KCNT2: variants seen among roughly 807,000 people sequenced by gnomAD.
KCNT2 encodes the protein potassium sodium-activated channel subfamily T member 2.
KCNT2 carries 67 observed loss-of-function variants against 153.8 expected under a neutral mutation model. The observed-to-expected ratio is 0.44, with a 90% CI of 0.36 to 0.53. The LOEUF (loss-of-function observed/expected upper bound fraction) is 0.53, where lower values mean the gene tolerates loss of function less well. Among genes scored for constraint, KCNT2 ranks in the 20% least tolerant of loss-of-function variants. The pLI is 0.00. For missense variants in KCNT2, 975 were observed against 1,354.8 expected, an observed-to-expected ratio of 0.72 and a Z score of 4.40; for synonymous variants, 500 against 458.8, an observed-to-expected ratio of 1.09 and a Z score of -1.15.
chr1:196,414,527 A>T (rs1672596809), intron 12 of KCNT2, among the ~76,000 whole-genome samples: 1 of 151,778 alleles, frequency 6.6e-6, no homozygotes, highest in African/African-American at 2.4e-5. Context: ...TTGACCTGAT[A>T]TTTTGTATTA....
chr1:196,443,843 G>A (rs112989588), intron 8 of KCNT2, among the ~76,000 whole-genome samples: 8,714 of 151,488 alleles, frequency 0.058, 391 homozygotes, highest in Non-Finnish European at 0.085. Flanking sequence ...AGTTGGTACC[G>A]GTTCCTGATT....
In KCNT2 at chr1:196,258,493, G is replaced by A; in HGVS notation, c.2912C>T (p.Ser971Phe). Residue 971 changes from serine (S) to phenylalanine (F), a missense_variant and splice_region_variant, in exon 26 of 28, where the codon TCT becomes TTT. Physicochemically the swap from Ser to Phe is radical, Grantham distance 155. Coordinates refer to ENST00000294725, the MANE Select transcript of KCNT2 (RefSeq NM_198503.5). The part of the protein sequence containing the change: ...TESQKLTTSE[S>F]QISISVEEWE... ...CTCTTCTACACTGATAGATATTTGAGACTTTAAAGGAAATAGATATTGATA... is the reference window on the plus strand; with the variant it reads ...CTCTTCTACACTGATAGATATTTGAAACTTTAAAGGAAATAGATATTGATA... 2 of 1,511,524 alleles carry A rather than the reference G, an allele frequency of 1.3e-6. No individual in the cohort carries two copies. Among genetic ancestry groups the A allele is most frequent in the Non-Finnish European group, 1.8e-6 (2 of 1,099,804 alleles). The allele number at this position is 1,511,524 out of a possible 1,614,324, so 93.6% of individuals were successfully genotyped here. A position where few individuals can be genotyped will look rare whatever the true frequency, so the allele number is the denominator to read the frequency against.
intron 22 of KCNT2, among the ~76,000 whole-genome samples, chr1:196,286,497 C>T (rs1432009956): frequency 1.3e-5 from 2 of 152,020 alleles, no homozygotes; most frequent in Non-Finnish European, 2.9e-5. Context: ...GTAGCCCTAA[C>T]AGACTAAAAC....
chr1:196,587,622 G>T (rs1228431513), intron 1 of KCNT2, among the ~76,000 whole-genome samples: 2 of 151,748 alleles, frequency 1.3e-5, no homozygotes, highest in African/African-American at 4.8e-5. Context: ...AGCTTTGTAG[G>T]CTTTGATTAC....
intron 22 of KCNT2, among the ~76,000 whole-genome samples, chr1:196,299,137 G>A (rs184014310): frequency 5.9e-5 from 9 of 152,046 alleles, no homozygotes; most frequent in Admixed American, 5.9e-4. Context: ...TAAGCCTTTG[G>A]AGGAAAATGA....
intron 1 of KCNT2, among the ~76,000 whole-genome samples, chr1:196,577,551 A>C (rs1198187873): frequency 6.6e-6 from 1 of 152,192 alleles, no homozygotes; most frequent in South Asian, 2.1e-4. Flanking sequence ...CACTCAGCTG[A>C]CCCTTGATTA....
chr1:196,410,153 T>TTG lies in KCNT2; in HGVS notation c.1186-11483_1186-11482insCA, dbSNP rs1558255958. ...CATTTTTTAATCAGCTTATTTCCTTTCGTGTGTGTGTGTGTTTGGTTTTGT... is the reference window on the plus strand; with the variant it reads ...CATTTTTTAATCAGCTTATTTCCTTTTGCGTGTGTGTGTGTGTTTGGTTTTGT... On this transcript the variant is annotated intron_variant, in intron 12 of 27. Transcript: ENST00000294725. Among the ~76,000 whole-genome samples the TTG allele has an allele frequency of 3.5e-4, 53 of 151,270 alleles. 1 individual carries two copies. Among genetic ancestry groups the TTG allele is most frequent in the African/African-American group, 3.6e-4 (15 of 41,360 alleles).
At chr1:196,254,655 C>T (rs2102311424) in intron 26 of KCNT2, among the ~76,000 whole-genome samples, 1 of 151,548 alleles carries the variant, frequency 6.6e-6, no homozygotes, top group Admixed American at 6.6e-5. Flanking sequence ...ATTACTACTA[C>T]CACCATCACC....
At chr1:196,402,212 A>G (rs1352674280) in intron 12 of KCNT2, among the ~76,000 whole-genome samples, 1 of 151,642 alleles carries the variant, frequency 6.6e-6, no homozygotes, top group Non-Finnish European at 1.5e-5. Flanking sequence ...GAAAAATGAT[A>G]CCAGGGAGAA....
chr1:196,518,226 T>C (rs1011303407), intron 1 of KCNT2, among the ~76,000 whole-genome samples: 2 of 152,124 alleles, frequency 1.3e-5, no homozygotes, highest in Non-Finnish European at 2.9e-5. Context: ...AGGGAGTTTG[T>C]TACCATCAAG....
intron 13 of KCNT2, among the ~76,000 whole-genome samples, chr1:196,392,756 A>G (rs1022900150): frequency 3.3e-5 from 5 of 151,494 alleles, no homozygotes; most frequent in Admixed American, 1.3e-4. Flanking sequence ...TCTCCAAGAT[A>G]TGTACATGTA....
intron 13 of KCNT2, among the ~76,000 whole-genome samples, chr1:196,396,058 T>G (rs991902351): frequency 6.6e-6 from 1 of 151,674 alleles, no homozygotes; most frequent in African/African-American, 2.4e-5. Context: ...AACCACCATT[T>G]TATTTCTCAA....
intron 16 of KCNT2, among the ~76,000 whole-genome samples, chr1:196,337,970 C>T (rs914625311): frequency 1.3e-5 from 2 of 151,970 alleles, no homozygotes; most frequent in African/African-American, 2.4e-5. Flanking sequence ...AACACTTACA[C>T]GAGAGTTCTT....
intron 1 of KCNT2, among the ~76,000 whole-genome samples, chr1:196,555,780 G>GTTT (rs1658566740): frequency 6.6e-6 from 1 of 151,162 alleles, no homozygotes; most frequent in Admixed American, 6.6e-5. Context: ...AAACAGCATG[G>GTTT]TAGGTACTGG....
chr1:196,310,389 C>T (rs947439819), intron 21 of KCNT2, among the ~76,000 whole-genome samples: 1 of 151,736 alleles, frequency 6.6e-6, no homozygotes, highest in Non-Finnish European at 1.5e-5. Flanking sequence ...TAAAATACTT[C>T]AGGGAGTCTG....
chr1:196,579,983 A>T (rs1291148442), intron 1 of KCNT2, among the ~76,000 whole-genome samples: 1 of 152,176 alleles, frequency 6.6e-6, no homozygotes, highest in South Asian at 2.1e-4. Flanking sequence ...TTCTGACAGA[A>T]AATAATTTTC....
intron 1 of KCNT2, among the ~76,000 whole-genome samples, chr1:196,604,275 A>G (rs1411267458): frequency 6.6e-6 from 1 of 152,148 alleles, no homozygotes; most frequent in Non-Finnish European, 1.5e-5. Context: ...ACCTCTTATC[A>G]TATCTGTGAC....
intron 13 of KCNT2, among the ~76,000 whole-genome samples, chr1:196,397,875 A>T (rs959658422): frequency 4.0e-5 from 6 of 151,594 alleles, no homozygotes; most frequent in African/African-American, 1.4e-4. Flanking sequence ...AATGTAAAAC[A>T]TGGGATATTT....
rs111532905 is a variant in KCNT2 at position 196,492,984 on chromosome 1, A to T, written c.96-643T>A. Among the ~76,000 whole-genome samples, 689 of 152,310 alleles carry T rather than the reference A, an allele frequency of 4.5e-3. 3 individuals are homozygous for T. Among genetic ancestry groups the T allele is most frequent in the African/African-American group, 0.016 (660 of 41,580 alleles). Reference sequence around the variant, plus strand: ...AAACAACTCAATTAATAGACTACATATTGTATATTTGATCCACTATACAAT... The same window carrying T: ...AAACAACTCAATTAATAGACTACATTTTGTATATTTGATCCACTATACAAT... On this transcript the variant is annotated intron_variant, in intron 1 of 27. Transcript: ENST00000294725.
Sources: gnomAD v4.1 joint callset for allele counts (sites outside exome capture counted in the v4.1 genomes callset) on GRCh38, gnomAD v4.1.1 for gene constraint, MANE v1.5 for transcripts, NCBI Gene and HGNC (gene_info 2026-07-23, HGNC 2026-07-21) for gene names.